PUS10: variants seen among roughly 807,000 people sequenced by gnomAD.
The protein encoded by PUS10 is pseudouridine synthase 10.
PUS10 carries 59 observed loss-of-function variants against 75.0 expected under a neutral mutation model. That is an observed-to-expected ratio of 0.79 (90% CI 0.64 to 0.98). PUS10 has a LOEUF of 0.98. Among genes scored for constraint, PUS10 ranks in the 50% least tolerant of loss-of-function variants. PUS10 has a pLI of 0.00. For synonymous variants in PUS10, 219 were observed against 211.6 expected, an observed-to-expected ratio of 1.03 and a Z score of -0.30; for missense variants, 650 against 614.4, an observed-to-expected ratio of 1.06 and a Z score of -0.61.
At chr2:60,969,898 GC>G (rs1443710107) in intron 5 of PUS10, among the ~76,000 whole-genome samples, 1 of 152,060 alleles carries the variant, frequency 6.6e-6, no homozygotes, top group Non-Finnish European at 1.5e-5. Context: ...GACCAGCGTG[GC>G]CAACATGGTG....
intron 2 of PUS10, chr2:61,010,980 A>C: frequency 6.9e-7 from 1 of 1,442,080 alleles, no homozygotes; most frequent in Non-Finnish European, 9.3e-7. Flanking sequence ...ATAATTGAAT[A>C]TTGTGTATTA....
intron 4 of PUS10, among the ~76,000 whole-genome samples, chr2:60,992,051 A>AC (rs1678120756): frequency 6.7e-6 from 1 of 149,562 alleles, no homozygotes; most frequent in Non-Finnish European, 1.5e-5. Flanking sequence ...TCGCTCTGTC[A>AC]CCCAGGCTGG....
intron 1 of PUS10, among the ~76,000 whole-genome samples, chr2:61,016,686 T>C (rs1680000689): frequency 6.6e-6 from 1 of 152,150 alleles, no homozygotes; most frequent in African/African-American, 2.4e-5. Flanking sequence ...GTCTCTGGCT[T>C]ACTGGAGGAG....
chr2:60,977,456 T>C lies in PUS10; in HGVS notation c.469-5899A>G, dbSNP rs141573839. ...ACTGAAACCATAACATGAGATGTGATTCATTTACGTATAGGCCAAGACTCG... is the reference window on the plus strand; with the variant it reads ...ACTGAAACCATAACATGAGATGTGACTCATTTACGTATAGGCCAAGACTCG... On this transcript the variant is annotated intron_variant, in intron 4 of 17. Coordinates refer to ENST00000316752, the MANE Select transcript of PUS10 (RefSeq NM_144709.4). Among the ~76,000 whole-genome samples the C allele has an allele frequency of 2.8e-4, 42 of 152,298 alleles. 1 individual carries two copies. The East Asian group carries it at 7.9e-3, about 29-fold the overall frequency.
chr2:60,975,316 T>C lies in PUS10; in HGVS notation c.469-3759A>G, dbSNP rs1318288478. Reference sequence around the variant, plus strand: ...TGCACGCCACCACACCCAGCTAATTTTTGTATTTTTAGTAGAGACAGGGTT... The same window carrying C: ...TGCACGCCACCACACCCAGCTAATTCTTGTATTTTTAGTAGAGACAGGGTT... On this transcript the variant is annotated intron_variant, in intron 4 of 17. Transcript: ENST00000316752. Among the ~76,000 whole-genome samples, 5 of 152,022 alleles carry C rather than the reference T, an allele frequency of 3.3e-5. No individual in the cohort carries two copies. In the East Asian group the frequency reaches 9.7e-4, roughly 29 times the overall value.
intron 4 of PUS10, among the ~76,000 whole-genome samples, chr2:60,998,186 C>T (rs1207777843): frequency 6.6e-6 from 1 of 152,028 alleles, no homozygotes; most frequent in Non-Finnish European, 1.5e-5. Flanking sequence ...AGGGAAATTA[C>T]CAATTAAAAA....
chr2:61,007,398 T>C (rs774413677), intron 3 of PUS10, among the ~76,000 whole-genome samples: 1 of 151,596 alleles, frequency 6.6e-6, no homozygotes, highest in Non-Finnish European at 1.5e-5. Context: ...GAGGTGGAGG[T>C]TGCAATGAGC....
intron 4 of PUS10, among the ~76,000 whole-genome samples, chr2:60,994,923 T>C (rs926373389): frequency 2.0e-5 from 3 of 152,108 alleles, no homozygotes; most frequent in Non-Finnish European, 2.9e-5. Flanking sequence ...ACCCTGTCTC[T>C]ACTAAAAATA....
At chr2:60,972,639 A>G (rs997427266) in intron 4 of PUS10, among the ~76,000 whole-genome samples, 2 of 152,224 alleles carry the variant, frequency 1.3e-5, no homozygotes, top group Non-Finnish European at 2.9e-5. Flanking sequence ...GAAACATTGT[A>G]TAAGTCAATA....
At chr2:60,952,603 G>C (rs1675411784) in intron 15 of PUS10, among the ~76,000 whole-genome samples, 1 of 152,168 alleles carries the variant, frequency 6.6e-6, no homozygotes, top group Non-Finnish European at 1.5e-5. Context: ...GCATTGCCAA[G>C]TGTTTCCTAT....
intron 4 of PUS10, among the ~76,000 whole-genome samples, chr2:60,977,081 A>G (rs1426660963): frequency 6.6e-6 from 1 of 152,150 alleles, no homozygotes; most frequent in Non-Finnish European, 1.5e-5. Flanking sequence ...AGTGCTTGCT[A>G]AAGTGCTTGT....
chr2:60,971,638 A>G, intron 4 of PUS10, 81 bp from the exon 5 acceptor site: 1 of 1,299,982 alleles, frequency 7.7e-7, no homozygotes, highest in Non-Finnish European at 1.1e-6. Context: ...TCATTACTGA[A>G]GTGCTTAACT....
At chr2:60,998,812 G>T (rs1240481314) in intron 4 of PUS10, 1 of 152,170 alleles carries the variant, frequency 6.6e-6, no homozygotes, top group Non-Finnish European at 1.5e-5. Context: ...GCTAAGCAGG[G>T]TCAGGCCTGG....
At chr2:61,010,090 G>A (rs1679500063) in intron 2 of PUS10, 1 of 152,116 alleles carries the variant, frequency 6.6e-6, no homozygotes, top group South Asian at 2.1e-4. Flanking sequence ...CTTGTATATT[G>A]CCTTACATAA....
rs552512467 is a variant in PUS10 at position 61,018,013 on chromosome 2, G to A, written c.-21C>T. 9 of 1,368,828 alleles carry A rather than the reference G, an allele frequency of 6.6e-6. No homozygotes were observed. Among genetic ancestry groups the A allele is most frequent in the Middle Eastern group, 3.7e-4 (2 of 5,380 alleles). 84.8% of individuals were successfully genotyped at this position (1,368,828 alleles called of 1,614,324 possible). Reference sequence around the variant, plus strand: ...GGTGGAGCTGGGGCGCTTACCAGTGGGGACTTTAGTGTCTCACAGCTGTTT... The same window carrying A: ...GGTGGAGCTGGGGCGCTTACCAGTGAGGACTTTAGTGTCTCACAGCTGTTT... On this transcript the variant is annotated 5_prime_UTR_variant, in exon 1 of 18. Transcript: ENST00000316752.
At chr2:60,952,946 T>C (rs769319036) in intron 15 of PUS10, 51 bp downstream of exon 15, 5 of 1,034,912 alleles carry the variant, frequency 4.8e-6, no homozygotes, top group Non-Finnish European at 7.6e-6. Flanking sequence ...AATGGGATCT[T>C]TGATAGGCAA....
At chr2:61,002,615 G>C (rs546636499) in intron 4 of PUS10, among the ~76,000 whole-genome samples, 27 of 152,156 alleles carry the variant, frequency 1.8e-4, no homozygotes, top group Middle Eastern at 3.4e-3. Flanking sequence ...TCACTCTCAG[G>C]ATCTCAAATC....
chr2:60,964,910 A>C, intron 8 of PUS10, 148 bp downstream of exon 8: 1 of 760,146 alleles, frequency 1.3e-6, no homozygotes, highest in Non-Finnish European at 2.2e-6. Flanking sequence ...AAAAACAAAA[A>C]TTAATGTAGC....
chr2:60,962,747 G>C (rs1351605166), intron 9 of PUS10, 79 bp downstream of exon 9: 57 of 1,503,568 alleles, frequency 3.8e-5, no homozygotes, highest in Non-Finnish European at 5.0e-5. Context: ...TCTTGTTTCA[G>C]AGATAATCCA....
Sources: allele counts gnomAD v4.1 joint callset (sites outside exome capture counted in the v4.1 genomes callset), GRCh38; gene constraint gnomAD v4.1.1; transcripts MANE v1.5; gene names NCBI Gene and HGNC (gene_info 2026-07-23, HGNC 2026-07-21).